Variants in CSRNP3 observed in about 807,000 individuals in gnomAD.
CSRNP3 encodes cysteine/serine-rich nuclear protein 3.
A neutral mutation model predicts 48.0 loss-of-function variants in CSRNP3; 12 were observed. The observed-to-expected ratio is 0.25, with a 90% confidence interval of 0.16 to 0.41. The LOEUF (loss-of-function observed/expected upper bound fraction) is 0.41. CSRNP3 is among the 10% of genes least tolerant of loss of function. The pLI is 1.00. For missense variants in CSRNP3, 580 were observed against 724.4 expected, an observed-to-expected ratio of 0.80 and a Z score of 2.29; for synonymous variants, 263 against 269.7, an observed-to-expected ratio of 0.98 and a Z score of 0.24.
At chr2:165,493,207 T>TA (rs368855110) in intron 1 of CSRNP3, among the ~76,000 whole-genome samples, 73 of 144,998 alleles carry the variant, frequency 5.0e-4, no homozygotes, top group South Asian at 8.8e-4. Flanking sequence ...GCTACTTTAT[T>TA]AAAAAAAAAA....
At chr2:165,613,955 T>G (rs548578690) in intron 4 of CSRNP3, among the ~76,000 whole-genome samples, 22 of 152,192 alleles carry the variant, frequency 1.4e-4, no homozygotes, top group African/African-American at 4.8e-4. Context: ...TGGTGTTTGA[T>G]AGAGATTGCG....
At chr2:165,611,363 A>ATGTGTGTGTGTGTG (rs1553479605) in intron 4 of CSRNP3, among the ~76,000 whole-genome samples, 33 of 104,774 alleles carry the variant, frequency 3.1e-4, no homozygotes, top group Non-Finnish European at 5.9e-4. Context: ...TTCACGATAT[A>ATGTGTGTGTGTGTG]TGTGTGTGTG....
chr2:165,479,950 A>AATAAAGGT lies in CSRNP3; in HGVS notation c.-283+10211_-283+10218dup, dbSNP rs1469983800. Among the ~76,000 whole-genome samples the AATAAAGGT allele has an allele frequency of 2.6e-5, 4 of 151,958 alleles. No individual in the cohort carries two copies. In the South Asian group the frequency reaches 8.3e-4, roughly 32 times the overall value. On this transcript the variant is annotated intron_variant, in intron 1 of 6. Transcript: ENST00000651982. ...TTTGTTCAGGGCCTCACAAGGCCAG[A>AATAAAGGT]ATAAAGGTGTCACTTGGCTGAACTC...
rs1471951294 is a variant in CSRNP3 at position 165,619,716 on chromosome 2, G to T, written c.148+24503G>T. ...CCTAATATAAGGAGGTTTTAACCTGGTATATTTCCCTAGTAGTCAGTCTGA... is the reference window on the plus strand; with the variant it reads ...CCTAATATAAGGAGGTTTTAACCTGTTATATTTCCCTAGTAGTCAGTCTGA... On this transcript the variant is annotated intron_variant, in intron 4 of 6. Coordinates refer to ENST00000651982, the MANE Select transcript of CSRNP3 (RefSeq NM_001172173.2). Among the ~76,000 whole-genome samples the T allele has an allele frequency of 2.0e-5, 3 of 152,100 alleles. No individual in the cohort carries two copies. The East Asian group carries it at 5.8e-4, about 29-fold the overall frequency.
chr2:165,535,297 CTAA>C (rs1261235239), intron 3 of CSRNP3, among the ~76,000 whole-genome samples: 1 of 149,416 alleles, frequency 6.7e-6, no homozygotes, highest in Non-Finnish European at 1.5e-5. Context: ...TAGGTATATT[CTAA>C]ATACTTTAGC....
intron 5 of CSRNP3, 28 bp from the exon 6 acceptor site, chr2:165,676,284 T>A (rs953751859): frequency 1.9e-6 from 3 of 1,596,820 alleles, no homozygotes; most frequent in Non-Finnish European, 2.6e-6. Flanking sequence ...CCTTAATGAG[T>A]CTCTTATTTG....
chr2:165,564,947 G>T (rs1471363480), intron 3 of CSRNP3, among the ~76,000 whole-genome samples: 1 of 151,980 alleles, frequency 6.6e-6, no homozygotes, highest in African/African-American at 2.4e-5. Context: ...GCTTCCTAGG[G>T]CAAATAAATA....
intron 2 of CSRNP3, among the ~76,000 whole-genome samples, chr2:165,508,106 C>G (rs140972207): frequency 1.3e-5 from 2 of 151,966 alleles, no homozygotes; most frequent in East Asian, 3.9e-4. Context: ...GTCAGTTTTT[C>G]TTTTTTTAGA....
At chr2:165,609,398 G>T (rs1573916174) in intron 4 of CSRNP3, among the ~76,000 whole-genome samples, 1 of 146,398 alleles carries the variant, frequency 6.8e-6, no homozygotes, top group Admixed American at 6.9e-5. Context: ...GATGGAGCTG[G>T]CAATGGGCCG....
chr2:165,517,810 G>A (rs1237477211), intron 2 of CSRNP3, 63 bp from the exon 3 acceptor site: 2 of 152,278 alleles, frequency 1.3e-5, no homozygotes, highest in African/African-American at 4.8e-5. Flanking sequence ...GGCACCTTTA[G>A]TAAGTTTGCT....
chr2:165,502,387 A>T (rs1684369538), intron 2 of CSRNP3, among the ~76,000 whole-genome samples: 1 of 152,036 alleles, frequency 6.6e-6, no homozygotes, highest in Non-Finnish European at 1.5e-5. Flanking sequence ...GGGTGTTTTT[A>T]AAAATCTCTA....
chr2:165,633,063 A>G (rs760354729), intron 4 of CSRNP3, among the ~76,000 whole-genome samples: 13 of 152,214 alleles, frequency 8.5e-5, no homozygotes, highest in Non-Finnish European at 1.6e-4. Context: ...TTAGCAAAAA[A>G]CCACCTAAGT....
intron 3 of CSRNP3, among the ~76,000 whole-genome samples, chr2:165,524,085 C>A (rs994362257): frequency 6.6e-6 from 1 of 152,112 alleles, no homozygotes; most frequent in Non-Finnish European, 1.5e-5. Flanking sequence ...AATAAAGAAT[C>A]CAAAACCATA....
intron 4 of CSRNP3, among the ~76,000 whole-genome samples, chr2:165,599,217 C>G (rs1156580339): frequency 6.9e-6 from 1 of 144,362 alleles, no homozygotes; most frequent in African/African-American, 2.6e-5. Context: ...AGAGCAAGAC[C>G]CTGTCTCAAA....
intron 5 of CSRNP3, among the ~76,000 whole-genome samples, chr2:165,667,563 A>G (rs1024478141): frequency 3.3e-5 from 5 of 152,100 alleles, no homozygotes; most frequent in Admixed American, 6.6e-5. Context: ...TCAAAACATA[A>G]ATTGTCTGGG....
chr2:165,678,542 C>A (rs1365660222), intron 6 of CSRNP3, among the ~76,000 whole-genome samples, 159 bp from the exon 7 acceptor site: 3 of 152,142 alleles, frequency 2.0e-5, no homozygotes, highest in Non-Finnish European at 4.4e-5. Flanking sequence ...CCCTCACTTT[C>A]CCCTTTTCAT....
chr2:165,523,873 T>C (rs1433006837), intron 3 of CSRNP3, among the ~76,000 whole-genome samples: 1 of 152,230 alleles, frequency 6.6e-6, no homozygotes, highest in African/African-American at 2.4e-5. Flanking sequence ...GAGATCCATC[T>C]TCATTCTATT....
intron 5 of CSRNP3, among the ~76,000 whole-genome samples, chr2:165,659,278 G>A (rs2105347933): frequency 6.6e-6 from 1 of 152,254 alleles, no homozygotes; most frequent in Middle Eastern, 3.4e-3. Flanking sequence ...AGGGGAGTCG[G>A]AGAGAGATGA....
At chr2:165,625,621 G>A (rs1463219277) in intron 4 of CSRNP3, among the ~76,000 whole-genome samples, 1 of 147,936 alleles carries the variant, frequency 6.8e-6, no homozygotes, top group Admixed American at 6.7e-5. Flanking sequence ...GCAACAGAGT[G>A]AGATTCTGTC....
Sources: allele counts gnomAD v4.1 joint callset (sites outside exome capture counted in the v4.1 genomes callset), GRCh38; gene constraint gnomAD v4.1.1; transcripts MANE v1.5; gene names NCBI Gene and HGNC (gene_info 2026-07-23, HGNC 2026-07-21).